The following ZFPM2 variants were observed in gnomAD, a reference collection of about 807,000 sequenced individuals.
ZFPM2 encodes zinc finger protein ZFPM2.
Under a neutral mutation model 98.6 loss-of-function variants are expected in ZFPM2, and 20 were observed. That is an observed-to-expected ratio of 0.20 (90% CI 0.14 to 0.29). The LOEUF (loss-of-function observed/expected upper bound fraction) is 0.29, where lower values mean the gene tolerates loss of function less well. ZFPM2 is among the 10% of genes least tolerant of loss of function. The pLI, the probability that ZFPM2 is intolerant of heterozygous loss-of-function variation, is 1.00. For synonymous variants in ZFPM2, 518 were observed against 502.7 expected (o/e 1.03, Z -0.41); for missense variants, 1,310 against 1,388.6 (o/e 0.94, Z 0.90).
intron 5 of ZFPM2, among the ~76,000 whole-genome samples, chr8:105,730,156 G>A (rs529933474): frequency 1.1e-4 from 17 of 151,824 alleles, no homozygotes; most frequent in African/African-American, 3.9e-4. Flanking sequence ...GTTGGTGGCA[G>A]TGGTTAGGTT....
chr8:105,443,272 G>T (rs1488367794), intron 2 of ZFPM2, among the ~76,000 whole-genome samples: 1 of 139,916 alleles, frequency 7.1e-6, no homozygotes, highest in Non-Finnish European at 1.5e-5. Flanking sequence ...TTGCACCATT[G>T]CACTCCAGCC....
intron 3 of ZFPM2, among the ~76,000 whole-genome samples, chr8:105,545,858 C>T (rs1814685573): frequency 6.6e-6 from 1 of 152,198 alleles, no homozygotes; most frequent in South Asian, 2.1e-4. Context: ...TTTACTAATG[C>T]ATAAGTGCAT....
intron 3 of ZFPM2, among the ~76,000 whole-genome samples, chr8:105,461,165 AAT>A (rs1474895378): frequency 3.9e-5 from 6 of 152,130 alleles, no homozygotes; most frequent in African/African-American, 1.4e-4. Flanking sequence ...ATTCATGATT[AAT>A]ATATAGTGGA....
At chr8:105,329,668 T>A (rs1812175974) in intron 1 of ZFPM2, among the ~76,000 whole-genome samples, 1 of 151,776 alleles carries the variant, frequency 6.6e-6, no homozygotes, top group South Asian at 2.1e-4. Flanking sequence ...CTTCGTAAAT[T>A]AATCTAGAGT....
At chr8:105,578,742 T>C (rs1744332090) in intron 4 of ZFPM2, among the ~76,000 whole-genome samples, 1 of 152,164 alleles carries the variant, frequency 6.6e-6, no homozygotes, top group Non-Finnish European at 1.5e-5. Context: ...GATTCCACTA[T>C]GAAGTGACTT....
At chr8:105,419,065 A>G in intron 1 of ZFPM2, 79 bp from the exon 2 acceptor site, 2 of 1,426,832 alleles carry the variant, frequency 1.4e-6, no homozygotes, top group South Asian at 1.3e-5. Flanking sequence ...ACTGTAACAA[A>G]AAAAGGCTCT....
chr8:105,462,109 A>C (rs964147598), intron 3 of ZFPM2, among the ~76,000 whole-genome samples: 1 of 152,144 alleles, frequency 6.6e-6, no homozygotes, highest in Admixed American at 6.6e-5. Context: ...TTTTAATAAA[A>C]TTTTGAGAAT....
intron 5 of ZFPM2, among the ~76,000 whole-genome samples, chr8:105,706,988 C>T (rs1174245294): frequency 6.6e-6 from 1 of 151,932 alleles, no homozygotes; most frequent in African/African-American, 2.4e-5. Flanking sequence ...TGGCTGTAAT[C>T]CCAGGACTTT....
intron 4 of ZFPM2, 76 bp from the exon 5 acceptor site, chr8:105,634,169 AT>A: frequency 1.9e-6 from 2 of 1,047,492 alleles, no homozygotes; most frequent in Non-Finnish European, 2.8e-6. Context: ...TAAAAATAAA[AT>A]GATTAGTACA....
At chr8:105,524,726 C>T (rs2130560831) in intron 3 of ZFPM2, among the ~76,000 whole-genome samples, 1 of 152,210 alleles carries the variant, frequency 6.6e-6, no homozygotes, top group East Asian at 1.9e-4. Flanking sequence ...TCAGAACTGG[C>T]TGTGACCTGG....
In ZFPM2 at chr8:105,504,385, C is replaced by G. The variant is rs575846811; in HGVS notation, c.302-56978C>G. Among the ~76,000 whole-genome samples, 6 of 152,304 alleles carry G rather than the reference C, an allele frequency of 3.9e-5. No individual in the cohort carries two copies. The East Asian group carries it at 7.7e-4, about 20-fold the overall frequency. ...TGACAAACCTTGGCTCCATGTCCCT[C>G]ACATGATTGGGAACTTCCTAGTGAT... On this transcript the variant is annotated intron_variant, in intron 3 of 7. Transcript: ENST00000407775.
chr8:105,347,769 G>A (rs772703593), intron 1 of ZFPM2, among the ~76,000 whole-genome samples: 1 of 152,058 alleles, frequency 6.6e-6, no homozygotes, highest in African/African-American at 2.4e-5. Flanking sequence ...GCTTATTCAA[G>A]TGTTTAAATT....
intron 4 of ZFPM2, chr8:105,616,712 T>C: frequency 2.7e-6 from 1 of 371,832 alleles, no homozygotes; most frequent in Non-Finnish European, 5.3e-6. Flanking sequence ...GAAGTTGTCC[T>C]ACTTGATCAA....
chr8:105,576,166 G>A (rs549726131), intron 4 of ZFPM2, among the ~76,000 whole-genome samples: 3 of 152,192 alleles, frequency 2.0e-5, no homozygotes, highest in African/African-American at 7.2e-5. Context: ...TACAGCACAC[G>A]GTAATAATAT....
intron 6 of ZFPM2, among the ~76,000 whole-genome samples, chr8:105,790,010 G>A (rs1305374506): frequency 1.3e-5 from 2 of 151,748 alleles, no homozygotes; most frequent in Non-Finnish European, 2.9e-5. Flanking sequence ...AGTAGCTTGC[G>A]AAAATTTTCT....
At chr8:105,635,148 C>T (rs1443768035) in intron 5 of ZFPM2, among the ~76,000 whole-genome samples, 1 of 152,112 alleles carries the variant, frequency 6.6e-6, no homozygotes, top group East Asian at 1.9e-4. Context: ...TATTACAAAA[C>T]CTTGTGCTTC....
In ZFPM2 at chr8:105,727,336, G is replaced by A. The variant is rs76198160; in HGVS notation, c.533-61382G>A. Among the ~76,000 whole-genome samples, 1,497 of 151,268 alleles carry A rather than the reference G, an allele frequency of 9.9e-3. 32 individuals carry two copies. The highest frequency in any genetic ancestry group is 0.034 in the African/African-American group (1,395 of 41,340). Reference sequence around the variant, plus strand: ...ACTGGAGCAATATAGTGAGAACCCCGTCTCTATACAGACATAGATAAATAA... The same window carrying A: ...ACTGGAGCAATATAGTGAGAACCCCATCTCTATACAGACATAGATAAATAA... On this transcript the variant is annotated intron_variant, in intron 5 of 7. Coordinates refer to ENST00000407775, the MANE Select transcript of ZFPM2 (RefSeq NM_012082.4).
At chr8:105,738,023 G>T (rs1417089466) in intron 5 of ZFPM2, among the ~76,000 whole-genome samples, 1 of 151,630 alleles carries the variant, frequency 6.6e-6, no homozygotes. Flanking sequence ...AGTTTTTTTT[G>T]TTACTTTTAT....
intron 3 of ZFPM2, among the ~76,000 whole-genome samples, chr8:105,550,682 A>G (rs1814831400): frequency 6.6e-6 from 1 of 152,154 alleles, no homozygotes; most frequent in Non-Finnish European, 1.5e-5. Context: ...AACAGGAGCA[A>G]TCACCTCTGA....
Sources: allele counts gnomAD v4.1 joint callset (sites outside exome capture counted in the v4.1 genomes callset), GRCh38; gene constraint gnomAD v4.1.1; transcripts MANE v1.5; gene names NCBI Gene and HGNC (gene_info 2026-07-23, HGNC 2026-07-21).